The following KIF26B variants were observed in gnomAD, a reference collection of about 807,000 sequenced individuals.
KIF26B encodes kinesin family member 26B.
Under a neutral mutation model 151.2 loss-of-function variants are expected in KIF26B, and 63 were observed. That is an observed-to-expected ratio of 0.42 (90% CI 0.34 to 0.51). The LOEUF is 0.51. Ranked by LOEUF, KIF26B falls within the 20% of genes least tolerant of loss-of-function variation. The pLI, the probability that KIF26B is intolerant of heterozygous loss-of-function variation, is 0.07. For synonymous variants in KIF26B, 1,357 were observed against 1,262.1 expected (o/e 1.08, Z -1.59); for missense variants, 2,813 against 2,913.6 (o/e 0.97, Z 0.79).
intron 10 of KIF26B, among the ~76,000 whole-genome samples, chr1:245,679,984 C>T (rs1054617014): frequency 3.3e-5 from 5 of 152,168 alleles, no homozygotes; most frequent in African/African-American, 1.2e-4. Context: ...CCATCCCTCC[C>T]GCCTGGCTCT....
In KIF26B at chr1:245,597,916, C is replaced by T. The variant is rs193142551; in HGVS notation, c.1351-4661C>T. Among the ~76,000 whole-genome samples the T allele has an allele frequency of 2.5e-4, 38 of 152,094 alleles. No homozygotes were observed. Among genetic ancestry groups the T allele is most frequent in the Admixed American group, 1.8e-3 (28 of 15,276 alleles). ...TCTGCTATCCTTTCTTCCGCTTGAT[C>T]GATTCAGCTATTGATACTGTGTGTG... On this transcript the variant is annotated intron_variant, in intron 5 of 14. Coordinates refer to ENST00000407071, the MANE Select transcript of KIF26B (RefSeq NM_018012.4). This position sits in a 1 kb window ranked among gnomAD's most constrained non-coding sequence, Gnocchi z 4.6.
chr1:245,504,781 AG>A (rs1393898722), intron 4 of KIF26B, among the ~76,000 whole-genome samples: 2 of 151,886 alleles, frequency 1.3e-5, no homozygotes, highest in African/African-American at 4.8e-5. Flanking sequence ...TTAAAATTGT[AG>A]CCGTGGTCAG....
intron 3 of KIF26B, among the ~76,000 whole-genome samples, chr1:245,401,019 G>T (rs765181796): frequency 6.6e-6 from 1 of 152,132 alleles, no homozygotes; most frequent in Non-Finnish European, 1.5e-5. Context: ...GTTCATTAAA[G>T]CTTCTTTAAT....
intron 10 of KIF26B, among the ~76,000 whole-genome samples, chr1:245,669,882 C>G (rs2044261987): frequency 6.6e-6 from 1 of 152,064 alleles, no homozygotes; most frequent in Admixed American, 6.6e-5. Context: ...AGTGAAGTAA[C>G]TCAGGAAGGG....
intron 2 of KIF26B, among the ~76,000 whole-genome samples, chr1:245,222,784 C>G (rs1247743766): frequency 6.6e-6 from 1 of 152,144 alleles, no homozygotes; most frequent in Non-Finnish European, 1.5e-5. Flanking sequence ...ATTGTAATGA[C>G]ATATAATCCT....
chr1:245,699,185 G>A (rs1463685843), intron 14 of KIF26B, 148 bp downstream of exon 14: 5 of 811,128 alleles, frequency 6.2e-6, no homozygotes, highest in Non-Finnish European at 7.8e-6. Flanking sequence ...TGCACCGAGC[G>A]AGCAGCCCTA....
At chr1:245,219,916 A>C (rs1456940780) in intron 2 of KIF26B, among the ~76,000 whole-genome samples, 1 of 151,956 alleles carries the variant, frequency 6.6e-6, no homozygotes, top group East Asian at 1.9e-4. Flanking sequence ...CTAGGCCTCA[A>C]AAGACTATGG....
At chr1:245,265,289 G>A (rs1213011253) in intron 2 of KIF26B, among the ~76,000 whole-genome samples, 1 of 151,784 alleles carries the variant, frequency 6.6e-6, no homozygotes, top group East Asian at 1.9e-4. Flanking sequence ...TATTAACACT[G>A]GGAGAAACAA....
intron 4 of KIF26B, among the ~76,000 whole-genome samples, chr1:245,422,115 C>A (rs546371792): frequency 6.6e-6 from 1 of 152,156 alleles, no homozygotes; most frequent in Admixed American, 6.5e-5. Flanking sequence ...GGAAAGGATC[C>A]CTAAGGCTCC....
intron 10 of KIF26B, among the ~76,000 whole-genome samples, chr1:245,657,709 C>T (rs1450057603): frequency 6.6e-6 from 1 of 152,152 alleles, no homozygotes; most frequent in Non-Finnish European, 1.5e-5. Context: ...CTGCTTCCAG[C>T]GGCTGTTCAT....
chr1:245,580,644 A>G (rs959866700), intron 5 of KIF26B, among the ~76,000 whole-genome samples: 10 of 152,178 alleles, frequency 6.6e-5, no homozygotes, highest in Admixed American at 3.3e-4. Context: ...CTCCCTGGAC[A>G]CCAGGAGAGT....
chr1:245,671,567 A>T (rs138805636), intron 10 of KIF26B, among the ~76,000 whole-genome samples: 3 of 152,210 alleles, frequency 2.0e-5, no homozygotes, highest in Non-Finnish European at 4.4e-5. Flanking sequence ...TTGCACAACA[A>T]TGTGAACGGG....
chr1:245,688,886 C>T lies in KIF26B; in HGVS notation c.5824+79C>T, dbSNP rs191680857. 705 of 1,460,610 alleles carry T rather than the reference C, an allele frequency of 4.8e-4. 1 individual carries two copies. In the African/African-American group the frequency reaches 9.6e-3, roughly 20 times the overall value. The allele number at this position is 1,460,610 out of a possible 1,614,324, so 90.5% of individuals were successfully genotyped here. ...GCCCAAACCCCACTGCCAGGGTGTC[C>T]CGTGCCCTGGGGAGGGGGCGTCCAG... On this transcript the variant is annotated intron_variant, in intron 12 of 14. Coordinates refer to ENST00000407071, the MANE Select transcript of KIF26B (RefSeq NM_018012.4).
chr1:245,316,552 A>G (rs996458173), intron 2 of KIF26B, among the ~76,000 whole-genome samples: 3 of 151,892 alleles, frequency 2.0e-5, no homozygotes, highest in Non-Finnish European at 4.4e-5. Context: ...TTTTTTAATC[A>G]TCATCGGCCT....
At chr1:245,314,886 T>A (rs914078917) in intron 2 of KIF26B, among the ~76,000 whole-genome samples, 9 of 152,178 alleles carry the variant, frequency 5.9e-5, no homozygotes, top group African/African-American at 2.2e-4. Flanking sequence ...GTACTTAAAT[T>A]ATTTGGCTTT....
chr1:245,248,980 G>GT (rs1291863262), intron 2 of KIF26B, among the ~76,000 whole-genome samples: 8 of 151,442 alleles, frequency 5.3e-5, no homozygotes, highest in African/African-American at 1.9e-4. Flanking sequence ...TTAGAGAGAG[G>GT]TTTGAAATAA....
chr1:245,248,944 T>A (rs1356719314), intron 2 of KIF26B, among the ~76,000 whole-genome samples: 1 of 151,986 alleles, frequency 6.6e-6, no homozygotes, highest in Non-Finnish European at 1.5e-5. Flanking sequence ...TTTATATCTC[T>A]GGAGAAACTC....
At chr1:245,482,246 C>T (rs1660181816) in intron 4 of KIF26B, among the ~76,000 whole-genome samples, 1 of 149,696 alleles carries the variant, frequency 6.7e-6, no homozygotes, top group South Asian at 2.2e-4. Context: ...TGCGCACCAC[C>T]ATGCCTGGCT....
At position 245,241,685 on chromosome 1, in the gene KIF26B, G is replaced by A. The variant is rs984412366; in HGVS notation, c.465+85002G>A. 6.6e-6 allele frequency among the ~76,000 whole-genome samples: 1 copy of A among 152,178 alleles called. No individual in the cohort carries two copies. The highest frequency in any genetic ancestry group is 6.5e-5 in the Admixed American group (1 of 15,278). ...GGTCCACGGGAACAGCTGCTATGGC[G>A]GCGGACACAGCCCCGTCCAGGGCCC... On this transcript the variant is annotated intron_variant, in intron 2 of 14. Coordinates refer to ENST00000407071, the MANE Select transcript of KIF26B (RefSeq NM_018012.4). This position sits in a 1 kb window ranked among gnomAD's most constrained non-coding sequence, Gnocchi z 5.0.
Sources: allele counts gnomAD v4.1 joint callset (sites outside exome capture counted in the v4.1 genomes callset), GRCh38; gene constraint gnomAD v4.1.1; non-coding constraint Gnocchi (gnomAD v3.1); transcripts MANE v1.5; gene names NCBI Gene and HGNC (gene_info 2026-07-23, HGNC 2026-07-21).